ITGB1: variants seen among roughly 807,000 people sequenced by gnomAD.
ITGB1 encodes the protein integrin subunit beta 1, also known as integrin beta-1.
A neutral mutation model predicts 86.5 loss-of-function variants in ITGB1; 24 were observed. That is an observed-to-expected ratio of 0.28 (90% CI 0.20 to 0.39). ITGB1 has a LOEUF of 0.39. Among genes scored for constraint, ITGB1 ranks in the 10% least tolerant of loss-of-function variants. ITGB1 has a pLI of 1.00. For synonymous variants in ITGB1, 323 were observed against 316.8 expected, an observed-to-expected ratio of 1.02 and a Z score of -0.21; for missense variants, 556 against 946.9, an observed-to-expected ratio of 0.59 and a Z score of 5.42.
chr10:32,944,630 A>C (rs1157651759), intron 1 of ITGB1: 1 of 604,558 alleles, frequency 1.7e-6, no homozygotes, highest in East Asian at 3.8e-5. Context: ...GAAAAATCTC[A>C]CTTAGTATAG....
chr10:32,937,340 G>A (rs372318185), intron 1 of ITGB1, among the ~76,000 whole-genome samples: 1 of 152,028 alleles, frequency 6.6e-6, no homozygotes, highest in Admixed American at 6.5e-5. Context: ...GGTGGATCAC[G>A]AGGTCAGGAG....
intron 1 of ITGB1, 21 bp from the exon 2 acceptor site, chr10:32,935,579 TA>T: frequency 1.3e-6 from 2 of 1,515,302 alleles, no homozygotes; most frequent in Non-Finnish European, 1.8e-6. Flanking sequence ...AAATGTGCCT[TA>T]TATTAGTTAT....
At chr10:32,903,029 G>A (rs751076638) in intron 15 of ITGB1, among the ~76,000 whole-genome samples, 10 of 152,086 alleles carry the variant, frequency 6.6e-5, no homozygotes, top group Non-Finnish European at 1.5e-4. Context: ...GGACATTTAA[G>A]TAGAAATACA....
At chr10:32,919,556 G>A (rs1166593355) in intron 11 of ITGB1, among the ~76,000 whole-genome samples, 3 of 152,022 alleles carry the variant, frequency 2.0e-5, no homozygotes, top group Non-Finnish European at 2.9e-5. Flanking sequence ...TCCTATAAAC[G>A]TTATTTTACA....
intron 6 of ITGB1, among the ~76,000 whole-genome samples, chr10:32,925,037 G>C (rs3780871): frequency 0.14 from 20,680 of 152,014 alleles, 1,703 homozygotes; most frequent in East Asian, 0.25. Flanking sequence ...GCATCAATTA[G>C]CACCTTAGCA....
At chr10:32,945,337 T>C (rs112691539) in intron 1 of ITGB1, among the ~76,000 whole-genome samples, 4 of 152,208 alleles carry the variant, frequency 2.6e-5, no homozygotes, top group African/African-American at 9.7e-5. Context: ...CAGTGGCTCA[T>C]GCCTGTAATC....
intron 1 of ITGB1, among the ~76,000 whole-genome samples, chr10:32,946,268 C>A (rs566682031): frequency 6.6e-6 from 1 of 152,136 alleles, no homozygotes; most frequent in African/African-American, 2.4e-5. Context: ...GGCATGCCTG[C>A]GGAATGTTCC....
At chr10:32,945,456 G>A (rs1297442111) in intron 1 of ITGB1, among the ~76,000 whole-genome samples, 3 of 151,796 alleles carry the variant, frequency 2.0e-5, no homozygotes, top group South Asian at 2.1e-4. Context: ...AAAATTAGCC[G>A]GGCGTGGTGG....
chr10:32,928,141 G>T lies in ITGB1; in HGVS notation c.500C>A (p.Thr167Lys). ...DDLENVKSLG[T>K]DLMNEMRRIT... ...CCTCCTCATTTCATTCATCAGATCT[G>T]TTCCAAGACTTTTTACATTCTCCAA... Residue 167 changes from threonine (T) to lysine (K), a missense_variant, in exon 5 of 16, where the codon ACA becomes AAA. Around this residue, in one of 4 missense-constraint regions of ITGB1, gnomAD observed 183 missense variants for 263.9 expected, o/e 0.69. Coordinates refer to ENST00000302278, the MANE Select transcript of ITGB1 (RefSeq NM_002211.4). 1 of 1,597,852 alleles carries T rather than the reference G, an allele frequency of 6.3e-7. No individual in the cohort carries two copies. Among genetic ancestry groups the T allele is most frequent in the Non-Finnish European group, 8.6e-7 (1 of 1,165,424 alleles).
chr10:32,954,458 C>T (rs988068719), intron 1 of ITGB1, among the ~76,000 whole-genome samples: 1 of 152,114 alleles, frequency 6.6e-6, no homozygotes, highest in Non-Finnish European at 1.5e-5. Context: ...TGACCACTCA[C>T]CTTTATCAGC....
chr10:32,931,667 G>A (rs1420227031), intron 3 of ITGB1, among the ~76,000 whole-genome samples: 1 of 151,960 alleles, frequency 6.6e-6, no homozygotes, highest in East Asian at 1.9e-4. Flanking sequence ...TTTCTTTCAT[G>A]TGGTCAAACC....
intron 9 of ITGB1, among the ~76,000 whole-genome samples, 155 bp from the exon 10 acceptor site, chr10:32,920,540 A>G (rs545569836): frequency 3.9e-5 from 6 of 152,204 alleles, no homozygotes; most frequent in Non-Finnish European, 7.3e-5. Flanking sequence ...GAGGCCAGAG[A>G]AACAGGTTTT....
At chr10:32,907,023 A>C (rs755334997) in intron 15 of ITGB1, 2 of 1,009,530 alleles carry the variant, frequency 2.0e-6, no homozygotes, top group Non-Finnish European at 2.9e-6. Flanking sequence ...AAAAGATAGA[A>C]GTTCACATGC....
rs189707180 is a variant in ITGB1, at chr10:32,947,232, T to C, written c.-1+10913A>G. Among the ~76,000 whole-genome samples the C allele has an allele frequency of 3.7e-4, 57 of 152,172 alleles. 1 individual carries two copies. The highest frequency in any genetic ancestry group is 6.7e-4 in the African/African-American group (28 of 41,526). On this transcript the variant is annotated intron_variant, in intron 1 of 15. Transcript: ENST00000302278. ...AAAATGTTGTGAACTCCCAAACTTA[T>C]AGATTATCACTAGGTTATGAGGCAT...
intron 1 of ITGB1, among the ~76,000 whole-genome samples, chr10:32,940,347 A>C (rs1184677599): frequency 6.6e-6 from 1 of 151,948 alleles, no homozygotes; most frequent in Non-Finnish European, 1.5e-5. Context: ...CCATCTCAAA[A>C]AAAAAAAAAA....
intron 1 of ITGB1, chr10:32,957,713 G>A (rs45442997): frequency 0.028 from 4,265 of 152,346 alleles, 89 homozygotes; most frequent in Non-Finnish European, 0.046. Flanking sequence ...CCAGGGGAGC[G>A]CCGAGTCCCA....
intron 7 of ITGB1, among the ~76,000 whole-genome samples, chr10:32,923,236 G>A (rs12266969): frequency 0.11 from 17,071 of 152,084 alleles, 1,103 homozygotes; most frequent in Admixed American, 0.21. Flanking sequence ...TTTAAAAATC[G>A]TATAAAACAA....
At chr10:32,917,309 A>C (rs2094934954) in intron 11 of ITGB1, among the ~76,000 whole-genome samples, 1 of 152,240 alleles carries the variant, frequency 6.6e-6, no homozygotes. Flanking sequence ...AAAACACCAA[A>C]AGCAATGGCA....
chr10:32,907,004 G>T, intron 15 of ITGB1: 1 of 765,898 alleles, frequency 1.3e-6, no homozygotes, highest in Non-Finnish European at 2.1e-6. Flanking sequence ...AGGACACACA[G>T]TGCAGTAAAA....
Sources: allele counts gnomAD v4.1 joint callset (sites outside exome capture counted in the v4.1 genomes callset), GRCh38; gene constraint gnomAD v4.1.1; regional missense constraint gnomAD v4.1.1; transcripts MANE v1.5; gene names NCBI Gene and HGNC (gene_info 2026-07-23, HGNC 2026-07-21).